IRAG1: variants seen among roughly 807,000 people sequenced by gnomAD.
IRAG1 encodes the protein IP3R-associated cGMP kinase substrate.
A neutral mutation model predicts 106.2 loss-of-function variants in IRAG1; 62 were observed. The ratio of observed to expected loss-of-function variants is 0.58; its 90% CI spans 0.48 to 0.72. IRAG1 has a LOEUF of 0.72. Among genes scored for constraint, IRAG1 ranks in the 30% least tolerant of loss-of-function variants. The pLI is 0.00. For missense variants in IRAG1, 1,064 were observed against 1,140.7 expected (o/e 0.93, Z 0.97); for synonymous variants, 462 against 443.9 (o/e 1.04, Z -0.51).
rs1850805547 is a variant in IRAG1, at chr11:10,576,257, G to A, written c.*75C>T. On this transcript the variant is annotated 3_prime_UTR_variant, in exon 21 of 21. Coordinates refer to ENST00000423302, the MANE Select transcript of IRAG1 (RefSeq NM_130385.4). ...TGGGCGGCAGTGTGTCCACACTTGG[G>A]CCTGACGTTATACTTGGGGAAAGGG... is the stretch of plus-strand genomic sequence containing the variant. The A allele has an allele frequency of 1.3e-6, 2 of 1,586,976 alleles. No individual in the cohort carries two copies. The highest frequency in any genetic ancestry group is 1.7e-6 in the Non-Finnish European group (2 of 1,163,904).
intron 2 of IRAG1, among the ~76,000 whole-genome samples, chr11:10,645,783 T>C (rs899905674): frequency 6.6e-6 from 1 of 152,234 alleles, no homozygotes; most frequent in Non-Finnish European, 1.5e-5. Flanking sequence ...CTTCCTTAGC[T>C]ATGTCACCCA....
At chr11:10,685,968 C>T (rs1056553230) in intron 1 of IRAG1, among the ~76,000 whole-genome samples, 7 of 152,016 alleles carry the variant, frequency 4.6e-5, no homozygotes, top group African/African-American at 1.5e-4. Flanking sequence ...ACAACGGGGA[C>T]CAGTTAGATC....
intron 1 of IRAG1, among the ~76,000 whole-genome samples, chr11:10,675,696 A>T (rs1259275379): frequency 6.6e-6 from 1 of 152,172 alleles, no homozygotes; most frequent in Non-Finnish European, 1.5e-5. Context: ...GTGCTTTTGC[A>T]CATCCTGTAC....
At chr11:10,631,792 G>A (rs1856710523) in intron 4 of IRAG1, among the ~76,000 whole-genome samples, 199 bp downstream of exon 4, 1 of 152,170 alleles carries the variant, frequency 6.6e-6, no homozygotes, top group Non-Finnish European at 1.5e-5. Flanking sequence ...TCATGCCCTG[G>A]TCTTGTCTTT....
chr11:10,640,601 G>C (rs1857443313), intron 2 of IRAG1, among the ~76,000 whole-genome samples: 1 of 152,234 alleles, frequency 6.6e-6, no homozygotes, highest in African/African-American at 2.4e-5. Flanking sequence ...CCAGGAGAGA[G>C]TGTGTGGGAA....
At chr11:10,617,038 T>TA in intron 10 of IRAG1, 1 of 981,418 alleles carries the variant, frequency 1.0e-6, no homozygotes. Flanking sequence ...AACTTTTTTT[T>TA]ACCTCTTTCT....
chr11:10,593,458 T>C lies in IRAG1; in HGVS notation c.2175+34A>G, dbSNP rs529045563. 5.1e-5 allele frequency: 81 copies of C among 1,573,916 alleles called. No individual in the cohort carries two copies. In the South Asian group the frequency reaches 5.3e-4, roughly 10 times the overall value. On this transcript the variant is annotated intron_variant, in intron 17 of 20. Coordinates refer to ENST00000423302, the MANE Select transcript of IRAG1 (RefSeq NM_130385.4). ...GTACGAAGGAAAGGTTATTCTACTA[T>C]TCTGTGCTGGGAGGCAGACATCGTC...
At chr11:10,619,789 C>T (rs1160198091) in intron 10 of IRAG1, among the ~76,000 whole-genome samples, 1 of 152,182 alleles carries the variant, frequency 6.6e-6, no homozygotes, top group South Asian at 2.1e-4. Flanking sequence ...CAAGGCTATG[C>T]AGCTGGTAAG....
intron 1 of IRAG1, among the ~76,000 whole-genome samples, chr11:10,679,051 T>C (rs1350464604): frequency 2.6e-5 from 4 of 152,156 alleles, no homozygotes; most frequent in South Asian, 4.2e-4. Flanking sequence ...CTCTTTGGAG[T>C]AGAAAAGAGG....
rs1259110433 is a variant in IRAG1, at chr11:10,628,983, C to CAGT, written c.575-156_575-155insACT. Among the ~76,000 whole-genome samples the CAGT allele has an allele frequency of 2.6e-5, 4 of 152,128 alleles. No homozygotes were observed. The highest frequency in any genetic ancestry group is 5.9e-5 in the Non-Finnish European group (4 of 68,020). Reference sequence around the variant, plus strand: ...GGACTGCAATATGATGCTCCTGTTACAGCCCAACCCCTCCCTGCTGCTGCT... The same window carrying CAGT: ...GGACTGCAATATGATGCTCCTGTTACAGTAGCCCAACCCCTCCCTGCTGCTGCT... On this transcript the variant is annotated intron_variant, in intron 5 of 20. Transcript: ENST00000423302. This position sits in a 1 kb window ranked among gnomAD's most constrained non-coding sequence, Gnocchi z 4.1.
At chr11:10,678,660 C>G (rs925777386) in intron 1 of IRAG1, among the ~76,000 whole-genome samples, 1 of 152,164 alleles carries the variant, frequency 6.6e-6, no homozygotes, top group Non-Finnish European at 1.5e-5. Context: ...AAAATAGCCA[C>G]CATCTGAAAT....
chr11:10,693,011 A>G (rs1035565590), intron 1 of IRAG1, among the ~76,000 whole-genome samples: 1 of 152,204 alleles, frequency 6.6e-6, no homozygotes, highest in East Asian at 1.9e-4. Flanking sequence ...AGGGACAGAG[A>G]TAAAAACAGG....
intron 1 of IRAG1, among the ~76,000 whole-genome samples, chr11:10,656,653 C>T (rs1301133666): frequency 6.6e-6 from 1 of 152,186 alleles, no homozygotes. Flanking sequence ...TTTTCTTTAA[C>T]CCCCATGAGA....
intron 14 of IRAG1, 68 bp from the exon 15 acceptor site, chr11:10,601,127 C>T (rs1853951859): frequency 1.3e-6 from 2 of 1,596,934 alleles, no homozygotes; most frequent in Non-Finnish European, 8.5e-7. Flanking sequence ...CTTATTTGCT[C>T]TGACCTAGGG....
In IRAG1 at chr11:10,573,370, T is replaced by C. The variant is rs1850680472; in HGVS notation, c.*2962A>G. The C allele has an allele frequency of 6.6e-6, 1 of 152,212 alleles. No homozygotes were observed. The highest frequency in any genetic ancestry group is 6.5e-5 in the Admixed American group (1 of 15,286). The allele number at this position is 152,212 out of a possible 1,614,324, so 9.4% of individuals were successfully genotyped here. On this transcript the variant is annotated 3_prime_UTR_variant, in exon 21 of 21. Coordinates refer to ENST00000423302, the MANE Select transcript of IRAG1 (RefSeq NM_130385.4). ...AGGCAGGGAACCAGACTCCTAGGGC[T>C]AAGCAGAGATGTCAGACTTCAGAGG...
intron 13 of IRAG1, 83 bp from the exon 14 acceptor site, chr11:10,603,334 G>C: frequency 6.6e-7 from 1 of 1,521,958 alleles, no homozygotes; most frequent in Non-Finnish European, 8.9e-7. Context: ...TTCGGCCTCA[G>C]GGACTGGTTT....
intron 2 of IRAG1, among the ~76,000 whole-genome samples, chr11:10,641,962 T>A (rs12795823): frequency 6.6e-6 from 1 of 152,112 alleles, no homozygotes; most frequent in African/African-American, 2.4e-5. Context: ...TCACCTCCCC[T>A]GGTTCCTGGT....
At chr11:10,663,755 A>G (rs547422863) in intron 1 of IRAG1, among the ~76,000 whole-genome samples, 1 of 152,342 alleles carries the variant, frequency 6.6e-6, no homozygotes, top group South Asian at 2.1e-4. Flanking sequence ...TTTGAAAGCA[A>G]GGACTCTAGG....
At chr11:10,621,516 C>T (rs1164556361) in intron 10 of IRAG1, among the ~76,000 whole-genome samples, 4 of 152,200 alleles carry the variant, frequency 2.6e-5, no homozygotes, top group Non-Finnish European at 5.9e-5. Flanking sequence ...TCAACCAGAG[C>T]AGCCCCATTT....
Sources: allele counts gnomAD v4.1 joint callset (sites outside exome capture counted in the v4.1 genomes callset), GRCh38; gene constraint gnomAD v4.1.1; non-coding constraint Gnocchi (gnomAD v3.1); transcripts MANE v1.5; gene names NCBI Gene and HGNC (gene_info 2026-07-23, HGNC 2026-07-21).